Variants in MARCHF11 observed in about 807,000 individuals in gnomAD.
MARCHF11 encodes the protein E3 ubiquitin-protein ligase MARCHF11.
Under a neutral mutation model 37.3 loss-of-function variants are expected in MARCHF11, and 29 were observed. That is an observed-to-expected ratio of 0.78 (90% CI 0.58 to 1.06). MARCHF11 has a LOEUF of 1.06. Ranked by LOEUF, MARCHF11 falls within the 50% of genes least tolerant of loss-of-function variation. The pLI is 0.00. For synonymous variants in MARCHF11, 233 were observed against 228.0 expected (o/e 1.02, Z -0.20); for missense variants, 482 against 533.4 (o/e 0.90, Z 0.95).
chr5:16,143,640 G>A (rs1219784218), intron 2 of MARCHF11, among the ~76,000 whole-genome samples: 4 of 152,234 alleles, frequency 2.6e-5, no homozygotes, highest in Admixed American at 2.6e-4. Flanking sequence ...ACTAACAAAG[G>A]CATTTTTTCC....
intron 3 of MARCHF11, among the ~76,000 whole-genome samples, chr5:16,087,235 T>C (rs1283016480): frequency 1.3e-5 from 2 of 152,220 alleles, no homozygotes; most frequent in African/African-American, 4.8e-5. Flanking sequence ...GAAGTATTCT[T>C]AAAAACTCCA....
At chr5:16,156,151 T>C (rs1299329861) in intron 2 of MARCHF11, among the ~76,000 whole-genome samples, 5 of 151,894 alleles carry the variant, frequency 3.3e-5, no homozygotes, top group Admixed American at 2.0e-4. Context: ...TGAATGTATT[T>C]ATTGTAAACT....
At chr5:16,120,000 G>C (rs988203108) in intron 2 of MARCHF11, among the ~76,000 whole-genome samples, 1 of 152,192 alleles carries the variant, frequency 6.6e-6, no homozygotes, top group African/African-American at 2.4e-5. Flanking sequence ...TCCCATCCCA[G>C]CAGACAGTCC....
chr5:16,172,999 T>C (rs1321295645), intron 2 of MARCHF11, among the ~76,000 whole-genome samples: 4 of 152,236 alleles, frequency 2.6e-5, no homozygotes. Context: ...CCAGTCATTC[T>C]TACTGCTATA....
At chr5:16,086,695 T>A (rs1243142103) in intron 3 of MARCHF11, among the ~76,000 whole-genome samples, 1 of 152,214 alleles carries the variant, frequency 6.6e-6, no homozygotes, top group Non-Finnish European at 1.5e-5. Context: ...GATGCTAAAG[T>A]GACTTGGTGA....
At chr5:16,093,664 C>T (rs1736820657) in intron 2 of MARCHF11, among the ~76,000 whole-genome samples, 2 of 152,130 alleles carry the variant, frequency 1.3e-5, no homozygotes, top group African/African-American at 2.4e-5. Flanking sequence ...AACAGGGACG[C>T]TTCACGCTTG....
chr5:16,136,222 C>T (rs116816640), intron 2 of MARCHF11, among the ~76,000 whole-genome samples: 2,126 of 151,732 alleles, frequency 0.014, 48 homozygotes, highest in African/African-American at 0.046. Flanking sequence ...AATAAATAAA[C>T]AAAGTGTAAT....
At chr5:16,069,935 C>A (rs1467133256) in intron 3 of MARCHF11, among the ~76,000 whole-genome samples, 2 of 152,134 alleles carry the variant, frequency 1.3e-5, no homozygotes, top group Non-Finnish European at 2.9e-5. Context: ...GGTAAAGATA[C>A]ATGTGACTTA....
chr5:16,069,270 A>G (rs1165512266), intron 3 of MARCHF11, among the ~76,000 whole-genome samples: 1 of 152,202 alleles, frequency 6.6e-6, no homozygotes, highest in African/African-American at 2.4e-5. Flanking sequence ...AATACTATAC[A>G]TTTTAATAAA....
intron 2 of MARCHF11, among the ~76,000 whole-genome samples, chr5:16,140,847 G>A (rs1376128094): frequency 1.3e-5 from 2 of 152,162 alleles, no homozygotes; most frequent in African/African-American, 4.8e-5. Context: ...TTATTAAAAT[G>A]TAAAGTTTAT....
intron 2 of MARCHF11, among the ~76,000 whole-genome samples, chr5:16,144,011 C>A (rs1268194077): frequency 6.6e-6 from 1 of 152,180 alleles, no homozygotes; most frequent in Non-Finnish European, 1.5e-5. Context: ...TCATTGAAGC[C>A]AGCTGAATTT....
intron 2 of MARCHF11, among the ~76,000 whole-genome samples, chr5:16,125,891 G>A (rs1349620079): frequency 1.3e-5 from 2 of 152,152 alleles, no homozygotes; most frequent in African/African-American, 4.8e-5. Context: ...TTATCCATAA[G>A]AAAGGCACAG....
intron 3 of MARCHF11, among the ~76,000 whole-genome samples, chr5:16,070,976 G>T (rs181694245): frequency 6.6e-6 from 1 of 151,738 alleles, no homozygotes; most frequent in African/African-American, 2.4e-5. Flanking sequence ...ATGCTGTGGC[G>T]TTACGGCGAA....
intron 2 of MARCHF11, among the ~76,000 whole-genome samples, chr5:16,157,668 T>G (rs1487757726): frequency 6.6e-6 from 1 of 151,878 alleles, no homozygotes; most frequent in Non-Finnish European, 1.5e-5. Flanking sequence ...TAGCTCACAC[T>G]GCATACAAAA....
intron 3 of MARCHF11, among the ~76,000 whole-genome samples, chr5:16,070,884 GAT>G (rs1736424717): frequency 6.6e-6 from 1 of 152,150 alleles, no homozygotes; most frequent in Non-Finnish European, 1.5e-5. Context: ...TGCAAGCTCA[GAT>G]TTTACTGAAA....
intron 2 of MARCHF11, among the ~76,000 whole-genome samples, chr5:16,106,024 C>T (rs1190081421): frequency 6.6e-6 from 1 of 152,142 alleles, no homozygotes; most frequent in African/African-American, 2.4e-5. Flanking sequence ...GCATGTCGAG[C>T]CATAAACTGT....
At chr5:16,101,464 T>G (rs940512958) in intron 2 of MARCHF11, among the ~76,000 whole-genome samples, 4 of 152,218 alleles carry the variant, frequency 2.6e-5, no homozygotes, top group Admixed American at 1.3e-4. Context: ...CAAAAGCAGG[T>G]GCTAGCTATT....
intron 2 of MARCHF11, among the ~76,000 whole-genome samples, chr5:16,171,866 A>G (rs1738272336): frequency 6.6e-6 from 1 of 152,186 alleles, no homozygotes; most frequent in Non-Finnish European, 1.5e-5. Flanking sequence ...TCTGCCTAGG[A>G]TGTTCTTTCT....
At chr5:16,075,298 T>TA (rs1201091412) in intron 3 of MARCHF11, among the ~76,000 whole-genome samples, 1 of 152,230 alleles carries the variant, frequency 6.6e-6, no homozygotes, top group African/African-American at 2.4e-5. Context: ...TGCCCACTCT[T>TA]ACATTTGCAC....
Sources: gnomAD v4.1 joint callset for allele counts (sites outside exome capture counted in the v4.1 genomes callset) on GRCh38, gnomAD v4.1.1 for gene constraint, MANE v1.5 for transcripts, NCBI Gene and HGNC (gene_info 2026-07-23, HGNC 2026-07-21) for gene names.